MANBA: variants seen among roughly 807,000 people sequenced by gnomAD.
MANBA encodes beta-mannosidase.
In MANBA, 83 loss-of-function variants were observed where a neutral mutation model predicts 111.1. The observed-to-expected ratio is 0.75, with a 90% CI of 0.63 to 0.90. The LOEUF (loss-of-function observed/expected upper bound fraction) is 0.90, where lower values mean the gene tolerates loss of function less well. Among genes scored for constraint, MANBA ranks in the 40% least tolerant of loss-of-function variants. The pLI is 0.00. For synonymous variants in MANBA, 370 were observed against 378.7 expected (o/e 0.98, Z 0.27); for missense variants, 1,036 against 1,069.0 (o/e 0.97, Z 0.43).
intron 5 of MANBA, among the ~76,000 whole-genome samples, chr4:102,701,093 T>C (rs528788568): frequency 6.6e-6 from 1 of 152,164 alleles, no homozygotes; most frequent in Admixed American, 6.6e-5. Context: ...TTGTGGAATT[T>C]ATCCCTTTAC....
chr4:102,701,816 G>A (rs1263564919), intron 5 of MANBA, among the ~76,000 whole-genome samples: 1 of 150,914 alleles, frequency 6.6e-6, no homozygotes, highest in Non-Finnish European at 1.5e-5. Flanking sequence ...TTCAACTTTG[G>A]TGAATCTGAC....
chr4:102,664,903 T>A, intron 10 of MANBA, 51 bp from the exon 11 acceptor site: 2 of 1,410,682 alleles, frequency 1.4e-6, no homozygotes, highest in Non-Finnish European at 2.0e-6. Flanking sequence ...ACATAAAAAA[T>A]TCAGAGCTAT....
intron 3 of MANBA, 133 bp downstream of exon 3, chr4:102,723,729 G>A (rs1398557170): frequency 1.6e-6 from 1 of 623,862 alleles, no homozygotes; most frequent in African/African-American, 1.9e-5. Context: ...GAGAAATCAA[G>A]TAACTCATCC....
At position 102,664,723 on chromosome 4, in the gene MANBA, T is replaced by C; in HGVS notation, c.1447A>G (p.Thr483Ala). The change falls in exon 11 of 17, where the codon ACA becomes GCA. Residue 483 changes from threonine (T) to alanine (A), a missense_variant. Physicochemically the swap from Thr to Ala is moderately conservative, Grantham distance 58 (BLOSUM62 0). Coordinates refer to ENST00000647097, the MANE Select transcript of MANBA (RefSeq NM_005908.4). ...TCTCTGATGTTTTTCACATAGAGTG[T>C]CACATAGTCCTTGATGTAGATTGGC... is the stretch of plus-strand genomic sequence containing the variant. Reference protein sequence around the residue: ...DRPIYIKDYVTLYVKNIRELV... With the variant: ...DRPIYIKDYVALYVKNIRELV... 1.2e-6 allele frequency: 2 copies of C among 1,613,452 alleles called. No individual in the cohort carries two copies. Among genetic ancestry groups the C allele is most frequent in the Non-Finnish European group, 1.7e-6 (2 of 1,179,308 alleles).
chr4:102,682,549 G>A lies in MANBA; in HGVS notation c.960+7025C>T, dbSNP rs112730086. On this transcript the variant is annotated intron_variant, in intron 7 of 16. Transcript: ENST00000647097. ...AATAAGGCCAAAAGGACAGTGTACT[G>A]GGTTGAACAGTGTCCCCCCAAAATT... is the stretch of plus-strand genomic sequence containing the variant. Among the ~76,000 whole-genome samples the A allele has an allele frequency of 9.1e-3, 1,390 of 152,254 alleles. 8 individuals carry two copies. Among genetic ancestry groups the A allele is most frequent in the Non-Finnish European group, 0.013 (899 of 68,024 alleles).
At chr4:102,683,477 TTCC>T (rs1401689905) in intron 7 of MANBA, among the ~76,000 whole-genome samples, 2 of 152,210 alleles carry the variant, frequency 1.3e-5, no homozygotes, top group African/African-American at 4.8e-5. Flanking sequence ...ACTAATTGGT[TTCC>T]TGTTTTTCCA....
chr4:102,727,209 T>C, intron 1 of MANBA: 1 of 402,072 alleles, frequency 2.5e-6, no homozygotes, highest in Non-Finnish European at 4.7e-6. Context: ...GTGGGCACTT[T>C]CCTGGAAGAT....
intron 1 of MANBA, among the ~76,000 whole-genome samples, chr4:102,739,295 G>A (rs780150769): frequency 2.0e-5 from 3 of 152,130 alleles, no homozygotes; most frequent in African/African-American, 2.4e-5. Context: ...AAGTAGTGGT[G>A]TTGAAAGAGT....
At chr4:102,669,974 C>T (rs1218332882) in intron 9 of MANBA, among the ~76,000 whole-genome samples, 3 of 150,372 alleles carry the variant, frequency 2.0e-5, no homozygotes, top group Middle Eastern at 3.2e-3. Context: ...AGCAAGACTC[C>T]GTCTCAAAAA....
At chr4:102,730,320 C>T (rs1722985707) in intron 1 of MANBA, 1 of 546,276 alleles carries the variant, frequency 1.8e-6, no homozygotes, top group African/African-American at 1.9e-5. Context: ...TTAGATTTAT[C>T]CACATTTCTC....
At position 102,686,267 on chromosome 4, in the gene MANBA, C is replaced by T. The variant is rs145169090; in HGVS notation, c.960+3307G>A. ...ACATTTATTTCTCTGTCTACACATA[C>T]TGAAAATCATAACTTCATACTATTA... On this transcript the variant is annotated intron_variant, in intron 7 of 16. Coordinates refer to ENST00000647097, the MANE Select transcript of MANBA (RefSeq NM_005908.4). 2.0e-4 allele frequency among the ~76,000 whole-genome samples: 30 copies of T among 152,248 alleles called. No individual in the cohort carries two copies. The East Asian group carries it at 5.8e-3, about 29-fold the overall frequency.
chr4:102,633,092 T>C (rs1332302833), intron 16 of MANBA, among the ~76,000 whole-genome samples: 1 of 152,248 alleles, frequency 6.6e-6, no homozygotes, highest in Non-Finnish European at 1.5e-5. Flanking sequence ...AATTTAGCCT[T>C]ACATATTTGT....
At chr4:102,702,005 C>T (rs1443999814) in intron 5 of MANBA, among the ~76,000 whole-genome samples, 25 of 152,168 alleles carry the variant, frequency 1.6e-4, no homozygotes, top group South Asian at 1.0e-3. Flanking sequence ...ACCAGTCAGA[C>T]GTAGATTTGG....
chr4:102,728,103 C>CTGCT (rs1181576885), intron 1 of MANBA: 11 of 535,960 alleles, frequency 2.1e-5, no homozygotes, highest in Admixed American at 1.7e-4. Flanking sequence ...AAAGAGAAGA[C>CTGCT]TGCTGCCTTA....
At chr4:102,679,875 C>T (rs1318017356) in intron 7 of MANBA, among the ~76,000 whole-genome samples, 3 of 152,014 alleles carry the variant, frequency 2.0e-5, no homozygotes, top group Non-Finnish European at 4.4e-5. Context: ...CATATCCATG[C>T]CTTTGTTCTT....
chr4:102,734,704 C>T, intron 1 of MANBA: 1 of 894,690 alleles, frequency 1.1e-6, no homozygotes, highest in Non-Finnish European at 1.7e-6. Context: ...CCTCTCCATC[C>T]CAGGTTCAGG....
At chr4:102,700,304 A>C (rs900340791) in intron 5 of MANBA, among the ~76,000 whole-genome samples, 10 of 152,102 alleles carry the variant, frequency 6.6e-5, no homozygotes, top group African/African-American at 2.2e-4. Flanking sequence ...CCTTTCAAAA[A>C]ACCAGCTCCT....
intron 1 of MANBA, among the ~76,000 whole-genome samples, chr4:102,736,711 G>A (rs902640406): frequency 6.6e-6 from 1 of 152,200 alleles, no homozygotes; most frequent in Admixed American, 6.5e-5. Context: ...GCAGATAGGA[G>A]ACAGGACTAA....
chr4:102,711,545 T>C (rs1432867987), intron 5 of MANBA, among the ~76,000 whole-genome samples: 1 of 152,172 alleles, frequency 6.6e-6, no homozygotes, highest in Non-Finnish European at 1.5e-5. Context: ...ATGGAAATAC[T>C]ATATTTCTCA....
Sources: gnomAD v4.1 joint callset for allele counts (sites outside exome capture counted in the v4.1 genomes callset) on GRCh38, gnomAD v4.1.1 for gene constraint, MANE v1.5 for transcripts, NCBI Gene and HGNC (gene_info 2026-07-23, HGNC 2026-07-21) for gene names.